ZNF462: variants seen among roughly 807,000 people sequenced by gnomAD.
ZNF462 encodes the protein zinc finger protein 462.
Under a neutral mutation model 201.9 loss-of-function variants are expected in ZNF462, and 10 were observed. The observed-to-expected ratio is 0.05, with a 90% CI of 0.03 to 0.08. ZNF462 has a LOEUF of 0.08. Ranked by LOEUF, ZNF462 falls within the 10% of genes least tolerant of loss-of-function variation. ZNF462 has a pLI of 1.00. For synonymous variants in ZNF462, 1,227 were observed against 1,193.3 expected (o/e 1.03, Z -0.58); for missense variants, 2,523 against 3,168.3 (o/e 0.80, Z 4.89).
chr9:107,004,429 G>C (rs17785666), intron 11 of ZNF462, among the ~76,000 whole-genome samples: 10,369 of 152,096 alleles, frequency 0.068, 447 homozygotes, highest in Middle Eastern at 0.12. Flanking sequence ...GCTACTTACT[G>C]TCTAGATGGC....
At position 106,872,006 on chromosome 9, in the gene ZNF462, G is replaced by A. The variant is rs536794169; in HGVS notation, c.-31+8651G>A. On this transcript the variant is annotated intron_variant, in intron 1 of 12. Transcript: ENST00000277225. The surrounding 1 kb of genome is among the most constrained non-coding windows in gnomAD (Gnocchi z 4.5). ...GACTTGAGCCAAGCGTCACAGGCTG[G>A]TCTGTCCTTCCAGTCCCAGCATTTT... Among the ~76,000 whole-genome samples, 1 of 152,292 alleles carries A rather than the reference G, an allele frequency of 6.6e-6. No homozygotes were observed. The highest frequency in any genetic ancestry group is 1.5e-5 in the Non-Finnish European group (1 of 68,018).
intron 10 of ZNF462, among the ~76,000 whole-genome samples, chr9:106,997,868 G>C (rs1027629735): frequency 3.0e-4 from 45 of 152,114 alleles, no homozygotes; most frequent in African/African-American, 1.1e-3. Flanking sequence ...GATTGAAAAA[G>C]TATCAAAAAA....
chr9:106,956,791 A>G lies in ZNF462; in HGVS notation c.6428-15214A>G, dbSNP rs200419788. Among the ~76,000 whole-genome samples the G allele has an allele frequency of 5.3e-5, 8 of 152,152 alleles. No individual in the cohort carries two copies. In the East Asian group the frequency reaches 1.3e-3, roughly 26 times the overall value. ...AAGACAGCTTCTTTTCTGAAACCTT[A>G]TAAACCAACCTCTGCTAGCTTCAGA... On this transcript the variant is annotated intron_variant, in intron 7 of 12. Coordinates refer to ENST00000277225, the MANE Select transcript of ZNF462 (RefSeq NM_021224.6).
intron 1 of ZNF462, among the ~76,000 whole-genome samples, chr9:106,918,023 C>A (rs1038414403): frequency 2.6e-5 from 4 of 151,738 alleles, no homozygotes; most frequent in African/African-American, 9.7e-5. Flanking sequence ...TTACAGGTGC[C>A]CACCACCACA....
intron 1 of ZNF462, among the ~76,000 whole-genome samples, chr9:106,922,791 C>T (rs1830039033): frequency 6.6e-6 from 1 of 152,100 alleles, no homozygotes; most frequent in South Asian, 2.1e-4. Flanking sequence ...ACCCCAATAT[C>T]AGCAAAGTTA....
Position 106,926,611 on chromosome 9 carries a change from A to G in ZNF462, c.2699A>G (p.Asp900Gly), listed in dbSNP as rs1830203164. 2 of 1,614,078 alleles carry G rather than the reference A, an allele frequency of 1.2e-6. No individual in the cohort carries two copies. Among genetic ancestry groups the G allele is most frequent in the Non-Finnish European group, 1.7e-6 (2 of 1,180,032 alleles). The stretch of plus-strand genomic sequence containing the variant: ...TACATCGATTACACCAACTTCGAAG[A>G]TCTCCAGCAGCATTATGGCGAGCAC... ...ECYIDYTNFEDLQQHYGEHHP... is the reference protein window; with the variant it reads ...ECYIDYTNFEGLQQHYGEHHP... Residue 900 changes from aspartate (D) to glycine (G), a missense_variant, in exon 3 of 13, where the codon GAT (aspartate) becomes GGT (glycine). Around this residue, in one of 15 missense-constraint regions of ZNF462, gnomAD observed 280 missense variants for 321.3 expected, o/e 0.87. Transcript: ENST00000277225. The surrounding 1 kb of genome is among the most constrained non-coding windows in gnomAD (Gnocchi z 7.9).
At chr9:106,888,331 G>A (rs1206133385) in intron 1 of ZNF462, among the ~76,000 whole-genome samples, 2 of 152,188 alleles carry the variant, frequency 1.3e-5, no homozygotes, top group African/African-American at 4.8e-5. Flanking sequence ...GTGAGCCACC[G>A]CGCCCGGCCA....
chr9:106,929,100 T>C lies in ZNF462; in HGVS notation c.5188T>C (p.Leu1730=), dbSNP rs755983172. ...CATTGATGCGTATTACACTCACTGCTTGGCAGCCTCCAGGACCATCAGCGA... is the reference window on the plus strand; with the variant it reads ...CATTGATGCGTATTACACTCACTGCCTGGCAGCCTCCAGGACCATCAGCGA... ...HDIDAYYTHC[L]AASRTISDKP... is the part of the protein sequence containing the mutation. Residue 1730 remains leucine (L), a synonymous_variant, in exon 3 of 13, where the codon TTG becomes CTG. Coordinates refer to ENST00000277225, the MANE Select transcript of ZNF462 (RefSeq NM_021224.6). This position sits in a 1 kb window ranked among gnomAD's most constrained non-coding sequence, Gnocchi z 8.7. 45 of 1,614,002 alleles carry C rather than the reference T, an allele frequency of 2.8e-5. No individual in the cohort carries two copies. The highest frequency in any genetic ancestry group is 3.6e-5 in the Non-Finnish European group (42 of 1,180,034).
chr9:107,001,732 C>A (rs1173368939), intron 10 of ZNF462, among the ~76,000 whole-genome samples: 1 of 152,038 alleles, frequency 6.6e-6, no homozygotes, highest in African/African-American at 2.4e-5. Flanking sequence ...TTGCCTTAGT[C>A]CCTTAATTTT....
At chr9:106,992,481 C>T (rs1383983876) in intron 10 of ZNF462, among the ~76,000 whole-genome samples, 1 of 152,044 alleles carries the variant, frequency 6.6e-6, no homozygotes, top group African/African-American at 2.4e-5. Flanking sequence ...CCTATCCTAC[C>T]TTCACATAAA....
In ZNF462 at chr9:106,949,354, G is replaced by A. The variant is rs183217342; in HGVS notation, c.6427+10247G>A. Among the ~76,000 whole-genome samples, 17 of 152,246 alleles carry A rather than the reference G, an allele frequency of 1.1e-4. No individual in the cohort carries two copies. The East Asian group carries it at 2.7e-3, about 24-fold the overall frequency. On this transcript the variant is annotated intron_variant, in intron 7 of 12. Coordinates refer to ENST00000277225, the MANE Select transcript of ZNF462 (RefSeq NM_021224.6). Reference sequence around the variant, plus strand: ...TTGAATTAGGACAGCAAAAGCAACCGCACACAAGGAAAGCCAAGAGAACAA... The same window carrying A: ...TTGAATTAGGACAGCAAAAGCAACCACACACAAGGAAAGCCAAGAGAACAA...
rs1830146790 is a variant in ZNF462 at position 106,925,350 on chromosome 9, A to C, written c.1438A>C (p.Lys480Gln). ...YKCDECPFTC[K>Q]SSLKLGAHKQ... ...ATGTGACGAATGTCCGTTTACTTGC[A>C]AGAGCTCGTTGAAACTTGGGGCTCA... The change falls in exon 3 of 13, where the codon AAG becomes CAG. Residue 480 changes from lysine (K) to glutamine (Q), a missense_variant. Lys to Gln is a moderately conservative substitution (Grantham distance 53). Transcript: ENST00000277225. This position sits in a 1 kb window ranked among gnomAD's most constrained non-coding sequence, Gnocchi z 7.9. 6.2e-7 allele frequency: 1 copy of C among 1,614,234 alleles called. No individual in the cohort carries two copies. Among genetic ancestry groups the C allele is most frequent in the Admixed American group, 1.7e-5 (1 of 60,024 alleles).
rs1364167042 is a variant in ZNF462 at position 106,880,691 on chromosome 9, ATT to A, written c.-31+17338_-31+17339del. 6.6e-6 allele frequency among the ~76,000 whole-genome samples: 1 copy of A among 152,164 alleles called. No homozygotes were observed. Among genetic ancestry groups the A allele is most frequent in the Non-Finnish European group, 1.5e-5 (1 of 68,036 alleles). ...CCTTTTATAACTGATACTCACCTAT[ATT>A]TCTCTATTTAAATGTGTTTGTAGTC... On this transcript the variant is annotated intron_variant, in intron 1 of 12. Coordinates refer to ENST00000277225, the MANE Select transcript of ZNF462 (RefSeq NM_021224.6). This position sits in a 1 kb window ranked among gnomAD's most constrained non-coding sequence, Gnocchi z 4.1.
Position 106,911,127 on chromosome 9 carries a change from A to G in ZNF462, c.-30-12227A>G, listed in dbSNP as rs1829533718. 2.0e-5 allele frequency among the ~76,000 whole-genome samples: 3 copies of G among 152,338 alleles called. 1 individual carries two copies. In the South Asian group the frequency reaches 6.2e-4, roughly 32 times the overall value. ...GTTTTTAAGGGAGGTAGGTATCAGT[A>G]TCAGCACTTGAAGTAGCCACAGTCT... is the stretch of plus-strand genomic sequence containing the variant. On this transcript the variant is annotated intron_variant, in intron 1 of 12. Coordinates refer to ENST00000277225, the MANE Select transcript of ZNF462 (RefSeq NM_021224.6).
rs1243370043 is a variant in ZNF462, at chr9:106,974,532, G to A, written c.6832+259G>A. On this transcript the variant is annotated intron_variant, in intron 9 of 12. Transcript: ENST00000277225. The surrounding 1 kb of genome is among the most constrained non-coding windows in gnomAD (Gnocchi z 4.0). ...CATTTCCGTAGGGCTTCCCAGCATG[G>A]GGGATTTGTACATTCTGACAATTCT... 1 of 528,868 alleles carries A rather than the reference G, an allele frequency of 1.9e-6. No homozygotes were observed. The highest frequency in any genetic ancestry group is 3.4e-6 in the Non-Finnish European group (1 of 291,720). The allele number at this position is 528,868 out of a possible 1,614,324, so 32.8% of individuals were successfully genotyped here.
At chr9:106,863,844 G>C (rs774407196) in intron 1 of ZNF462, among the ~76,000 whole-genome samples, 1 of 151,792 alleles carries the variant, frequency 6.6e-6, no homozygotes, top group Non-Finnish European at 1.5e-5. Context: ...CGGGAGGCCG[G>C]AGACCTGAGC....
chr9:106,928,268 T>C lies in ZNF462; in HGVS notation c.4356T>C (p.Pro1452=). Residue 1452 remains proline, a synonymous_variant, in exon 3 of 13, where the codon CCT becomes CCC. Transcript: ENST00000277225. This position sits in a 1 kb window ranked among gnomAD's most constrained non-coding sequence, Gnocchi z 9.3. Reference sequence around the variant, plus strand: ...GTCCAGAGGATGCAAGACTGTCCCCTGAGAAAAGCCTGCAGCTAGCTTCAG... The same window carrying C: ...GTCCAGAGGATGCAAGACTGTCCCCCGAGAAAAGCCTGCAGCTAGCTTCAG... The part of the protein sequence containing the change: ...AECPEDARLS[P]EKSLQLASAN... 6.2e-7 allele frequency: 1 copy of C among 1,612,670 alleles called. No individual in the cohort carries two copies. The highest frequency in any genetic ancestry group is 1.3e-5 in the African/African-American group (1 of 74,796).
intron 1 of ZNF462, among the ~76,000 whole-genome samples, chr9:106,864,050 C>T (rs1380465708): frequency 2.1e-5 from 1 of 48,548 alleles, no homozygotes; most frequent in Non-Finnish European, 4.3e-5. Flanking sequence ...CTCTCTCTCT[C>T]TCTCTCTCTC....
intron 1 of ZNF462, among the ~76,000 whole-genome samples, chr9:106,907,067 T>C (rs1829302943): frequency 6.6e-6 from 1 of 152,170 alleles, no homozygotes; most frequent in South Asian, 2.1e-4. Flanking sequence ...AAAATTATTA[T>C]TTTCTTTTTT....
Sources: gnomAD v4.1 joint callset for allele counts (sites outside exome capture counted in the v4.1 genomes callset) on GRCh38, gnomAD v4.1.1 for gene constraint, gnomAD v4.1.1 regional missense constraint, Gnocchi (gnomAD v3.1) non-coding constraint, MANE v1.5 for transcripts, NCBI Gene and HGNC (gene_info 2026-07-23, HGNC 2026-07-21) for gene names.